The following EYS variants were observed in gnomAD, a reference collection of about 807,000 sequenced individuals.
EYS encodes the protein protein eyes shut homolog.
In EYS, 250 loss-of-function variants were observed where a neutral mutation model predicts 282.1. The observed-to-expected ratio is 0.89, with a 90% confidence interval of 0.80 to 0.98. EYS has a LOEUF of 0.98. Ranked by LOEUF, EYS falls within the 50% of genes least tolerant of loss-of-function variation. The probability of loss-of-function intolerance (pLI) is 0.00; values close to 1 mark genes in which losing one functional copy is unlikely to be tolerated. For synonymous variants in EYS, 1,355 were observed against 1,282.9 expected (o/e 1.06, Z -1.20); for missense variants, 4,016 against 3,709.0 (o/e 1.08, Z -2.15).
intron 10 of EYS, among the ~76,000 whole-genome samples, chr6:65,339,108 T>C (rs188354549): frequency 2.8e-4 from 42 of 151,340 alleles, no homozygotes; most frequent in African/African-American, 1.0e-3. Context: ...AATAGATAAA[T>C]AAAGTGACTT....
At chr6:64,736,605 ATCT>A (rs1772189792) in intron 22 of EYS, among the ~76,000 whole-genome samples, 1 of 152,142 alleles carries the variant, frequency 6.6e-6, no homozygotes, top group Non-Finnish European at 1.5e-5. Flanking sequence ...TTACTATTTT[ATCT>A]TTTCTGTAGA....
At chr6:64,828,886 G>C (rs1489829117) in intron 19 of EYS, among the ~76,000 whole-genome samples, 1 of 151,978 alleles carries the variant, frequency 6.6e-6, no homozygotes, top group Non-Finnish European at 1.5e-5. Context: ...GGTTGACTTG[G>C]TATATGGGTA....
chr6:65,674,868 C>T (rs1393638291), intron 1 of EYS, among the ~76,000 whole-genome samples: 1 of 152,026 alleles, frequency 6.6e-6, no homozygotes, highest in Non-Finnish European at 1.5e-5. Flanking sequence ...ATATGAATCA[C>T]TTTTAGTTCT....
intron 35 of EYS, among the ~76,000 whole-genome samples, chr6:63,955,191 C>T (rs370296937): frequency 6.6e-6 from 1 of 152,144 alleles, no homozygotes; most frequent in East Asian, 1.9e-4. Flanking sequence ...GGCCTTCCCA[C>T]CTCTATACAC....
chr6:64,706,955 C>T lies in EYS; in HGVS notation c.3444-80710G>A, dbSNP rs911142791. ...GAACTACCATTTGATTCAGCAACCCCACTGCTGGGTATTTATCTGGAGGAA... is the reference window on the plus strand; with the variant it reads ...GAACTACCATTTGATTCAGCAACCCTACTGCTGGGTATTTATCTGGAGGAA... On this transcript the variant is annotated intron_variant, in intron 22 of 42. Transcript: ENST00000503581. Among the ~76,000 whole-genome samples the T allele has an allele frequency of 3.3e-5, 5 of 152,036 alleles. No individual in the cohort carries two copies. The South Asian group carries it at 1.0e-3, about 32-fold the overall frequency.
intron 12 of EYS, among the ~76,000 whole-genome samples, chr6:65,176,861 A>G (rs1400239485): frequency 6.6e-6 from 1 of 151,742 alleles, no homozygotes; most frequent in African/African-American, 2.4e-5. Flanking sequence ...CTAATTATAA[A>G]TAACTAGAAC....
At chr6:65,463,848 A>G (rs1764903441) in intron 5 of EYS, among the ~76,000 whole-genome samples, 2 of 152,108 alleles carry the variant, frequency 1.3e-5, no homozygotes, top group Admixed American at 1.3e-4. Context: ...TTTGTATTCT[A>G]TTGCTCAAGG....
chr6:64,761,995 TTAA>T (rs1033915312), intron 22 of EYS, among the ~76,000 whole-genome samples: 2 of 152,148 alleles, frequency 1.3e-5, no homozygotes, highest in Admixed American at 6.5e-5. Flanking sequence ...GTGACTATAC[TTAA>T]TAATAATGAA....
chr6:63,790,750 G>T lies in EYS; in HGVS notation c.7412-1526C>A, dbSNP rs144948272. On this transcript the variant is annotated intron_variant, in intron 37 of 42. Transcript: ENST00000503581. ...GTTGGGATATAGAAGAAATTGGGAG[G>T]GGTGGAGGAGGAAACATGAGATTTT... Among the ~76,000 whole-genome samples, 502 of 152,278 alleles carry T rather than the reference G, an allele frequency of 3.3e-3. 3 individuals carry two copies. The highest frequency in any genetic ancestry group is 0.017 in the Middle Eastern group (5 of 294).
In EYS at chr6:65,511,981, T is replaced by C. The variant is rs549255152; in HGVS notation, c.-332-15988A>G. On this transcript the variant is annotated intron_variant, in intron 2 of 42. Transcript: ENST00000503581. ...GCCTGGGTGATGCAGCAAAACTCTG[T>C]CTCAAAAAAAAAAAAAAAAAAAAAA... is the stretch of plus-strand genomic sequence containing the variant. 3.1e-4 allele frequency among the ~76,000 whole-genome samples: 21 copies of C among 67,056 alleles called. No individual in the cohort carries two copies. In the East Asian group the frequency reaches 7.4e-3, roughly 24 times the overall value. The allele number at this position is 67,056 out of a possible 152,430, so 44.0% of individuals were successfully genotyped here. A position where few individuals can be genotyped will look rare whatever the true frequency, so the allele number is the denominator to read the frequency against.
intron 35 of EYS, among the ~76,000 whole-genome samples, chr6:63,977,595 G>C (rs924040316): frequency 6.6e-6 from 1 of 151,966 alleles, no homozygotes; most frequent in South Asian, 2.1e-4. Context: ...AGCAGGTAAG[G>C]AGCTGTGAAG....
chr6:64,679,154 A>T (rs749776786), intron 22 of EYS, among the ~76,000 whole-genome samples: 2 of 150,878 alleles, frequency 1.3e-5, no homozygotes, highest in Non-Finnish European at 2.9e-5. Context: ...TCTTGTAGAG[A>T]TTTCCCTCTT....
intron 24 of EYS, among the ~76,000 whole-genome samples, chr6:64,605,315 A>G (rs1766893359): frequency 6.6e-6 from 1 of 151,958 alleles, no homozygotes; most frequent in Non-Finnish European, 1.5e-5. Context: ...AAAAGCAAAA[A>G]AAGTTTGAAT....
At position 64,388,835 on chromosome 6, in the gene EYS, T is replaced by A. The variant is rs1167378012; in HGVS notation, c.5933A>T (p.Glu1978Val). The part of the protein sequence containing the change: ...GQKYTLLIRQ[E>V]LDPCNAELTI... ...CAGCTCAGCGTTACATGGATCCAATTCTTGCCTGTAACCATTTAAGAAAGA... is the reference window on the plus strand; with the variant it reads ...CAGCTCAGCGTTACATGGATCCAATACTTGCCTGTAACCATTTAAGAAAGA... Residue 1978 changes from glutamate (E) to valine (V), a missense_variant, in exon 29 of 43, where the codon GAA (glutamate) becomes GTA (valine). Coordinates refer to ENST00000503581, the MANE Select transcript of EYS (RefSeq NM_001142800.2). 6.7e-7 allele frequency: 1 copy of A among 1,501,120 alleles called. No homozygotes were observed. The allele number at this position is 1,501,120 out of a possible 1,614,324, so 93.0% of individuals were successfully genotyped here.
At chr6:65,352,542 C>G (rs900291617) in intron 9 of EYS, among the ~76,000 whole-genome samples, 4 of 151,836 alleles carry the variant, frequency 2.6e-5, no homozygotes, top group Non-Finnish European at 5.9e-5. Flanking sequence ...TATGGGAACA[C>G]AAGTGCTGGA....
At position 64,532,642 on chromosome 6, in the gene EYS, G is replaced by C. The variant is rs1052539787; in HGVS notation, c.5644+57581C>G. Among the ~76,000 whole-genome samples, 4 of 152,126 alleles carry C rather than the reference G, an allele frequency of 2.6e-5. 1 individual carries two copies. The highest frequency in any genetic ancestry group is 6.3e-3 in the Middle Eastern group (2 of 316). ...GAGAAAGGCGTGAACCCGGGAGGTG[G>C]AGTTTGCAGTGAGCTGAGATTGCGC... On this transcript the variant is annotated intron_variant, in intron 26 of 42. Coordinates refer to ENST00000503581, the MANE Select transcript of EYS (RefSeq NM_001142800.2).
intron 14 of EYS, among the ~76,000 whole-genome samples, chr6:64,988,030 G>A (rs1464452088): frequency 2.6e-5 from 4 of 151,332 alleles, no homozygotes; most frequent in Non-Finnish European, 5.9e-5. Flanking sequence ...TCTCTTTTGA[G>A]TTTTTGTTTC....
chr6:63,964,171 C>T, intron 35 of EYS, among the ~76,000 whole-genome samples: 1 of 152,098 alleles, frequency 6.6e-6, no homozygotes, highest in East Asian at 1.9e-4. Flanking sequence ...AGTAGACTCT[C>T]CACTAGCTGG....
intron 35 of EYS, among the ~76,000 whole-genome samples, chr6:63,904,270 C>T (rs1773722523): frequency 6.6e-6 from 1 of 152,126 alleles, no homozygotes; most frequent in Non-Finnish European, 1.5e-5. Flanking sequence ...TCCAGTAACT[C>T]AGTCTGATAC....
Sources: allele counts gnomAD v4.1 joint callset (sites outside exome capture counted in the v4.1 genomes callset), GRCh38; gene constraint gnomAD v4.1.1; transcripts MANE v1.5; gene names NCBI Gene and HGNC (gene_info 2026-07-23, HGNC 2026-07-21).